RNF139: variants seen among roughly 807,000 people sequenced by gnomAD.
The protein encoded by RNF139 is ring finger protein 139, also known as E3 ubiquitin-protein ligase RNF139.
A neutral mutation model predicts 49.5 loss-of-function variants in RNF139; 15 were observed. The observed-to-expected ratio is 0.30, with a 90% CI of 0.20 to 0.47. The LOEUF (loss-of-function observed/expected upper bound fraction) is 0.47, where lower values mean the gene tolerates loss of function less well. Ranked by LOEUF, RNF139 falls within the 20% of genes least tolerant of loss-of-function variation. The probability of loss-of-function intolerance (pLI) is 1.00; values close to 1 mark genes in which losing one functional copy is unlikely to be tolerated. For synonymous variants in RNF139, 325 were observed against 300.9 expected, an observed-to-expected ratio of 1.08 and a Z score of -0.83; for missense variants, 619 against 806.3, an observed-to-expected ratio of 0.77 and a Z score of 2.81.
chr8:124,475,203 T>C lies in RNF139; in HGVS notation c.94T>C (p.Tyr32His), dbSNP rs1295691535. The change falls in exon 1 of 2, where the codon TAC becomes CAC. Residue 32 changes from tyrosine to histidine, a missense_variant. Physicochemically the swap from Tyr to His is moderately conservative, Grantham distance 83. Coordinates refer to ENST00000303545, the MANE Select transcript of RNF139 (RefSeq NM_007218.4). The part of the protein sequence containing the change: ...LEVALRVPCL[Y>H]IIDAIFNSYP... ...AGTGGCGCTCCGGGTGCCCTGCCTT[T>C]ACATCATCGACGCCATCTTCAACTC... 3 of 1,614,090 alleles carry C rather than the reference T, an allele frequency of 1.9e-6. No homozygotes were observed. Among genetic ancestry groups the C allele is most frequent in the Non-Finnish European group, 2.5e-6 (3 of 1,179,980 alleles).
chr8:124,475,124 G>C lies in RNF139; in HGVS notation c.15G>C (p.Gly5=). The change falls in exon 1 of 2, where the codon GGG becomes GGC. Residue 5 remains glycine (G), a synonymous_variant. Transcript: ENST00000303545. MAAV[G]PPQQQVRMAH... ...GGCAGCGGCTCATGGCGGCCGTGGG[G>C]CCCCCGCAGCAGCAGGTGCGGATGG... 1 of 1,595,702 alleles carries C rather than the reference G, an allele frequency of 6.3e-7. No homozygotes were observed. Among genetic ancestry groups the C allele is most frequent in the African/African-American group, 1.4e-5 (1 of 73,922 alleles).
At chr8:124,483,424 T>TTATTTTATTTA (rs1816482834) in intron 1 of RNF139, 1 of 151,632 alleles carries the variant, frequency 6.6e-6, no homozygotes, top group Non-Finnish European at 1.5e-5. Flanking sequence ...AGATGGATTT[T>TTATTTTATTTA]TATTTTATTT....
rs539581332 is a variant in RNF139, at chr8:124,481,198, T to C, written c.182-4633T>C. ...AGATTAACAACATTTCAAGACACTT[T>C]GTTGTAAACTTCATTGCGGAAGGCT... On this transcript the variant is annotated intron_variant, in intron 1 of 1. Transcript: ENST00000303545. Among the ~76,000 whole-genome samples the C allele has an allele frequency of 6.6e-5, 10 of 152,304 alleles. No homozygotes were observed. The South Asian group carries it at 1.7e-3, about 25-fold the overall frequency.
At chr8:124,482,665 G>A (rs963406506) in intron 1 of RNF139, among the ~76,000 whole-genome samples, 1 of 151,638 alleles carries the variant, frequency 6.6e-6, no homozygotes, top group East Asian at 1.9e-4. Context: ...AGTGGCTCAC[G>A]CCTATAATCG....
rs1284120548 is a variant in RNF139 at position 124,487,979 on chromosome 8, A to T, written c.*335A>T. 1 of 192,808 alleles carries T rather than the reference A, an allele frequency of 5.2e-6. No individual in the cohort carries two copies. The highest frequency in any genetic ancestry group is 5.8e-5 in the Admixed American group (1 of 17,344). 11.9% of individuals were successfully genotyped at this position (192,808 alleles called of 1,614,324 possible). A position where few individuals can be genotyped will look rare whatever the true frequency, so the allele number is the denominator to read the frequency against. On this transcript the variant is annotated 3_prime_UTR_variant, in exon 2 of 2. Transcript: ENST00000303545. ...GTGCCAAATATTCTTCAATGAAATT[A>T]TATAATGTAACTTTGGACCTCAGTT...
rs1816534053 is a variant in RNF139, at chr8:124,486,537, T to C, written c.888T>C (p.Ala296=). ...CACTAACTGTACTGGGCATGAGTGC[T>C]GTAATTTCCTCAGTAGCCCATTATT... The part of the protein sequence containing the change: ...DSTLTVLGMS[A]VISSVAHYLG... Residue 296 remains alanine, a synonymous_variant, in exon 2 of 2, where the codon GCT becomes GCC. Transcript: ENST00000303545. 2 of 1,614,230 alleles carry C rather than the reference T, an allele frequency of 1.2e-6. No individual in the cohort carries two copies. The highest frequency in any genetic ancestry group is 1.7e-6 in the Non-Finnish European group (2 of 1,180,032).
chr8:124,485,854 C>G lies in RNF139; in HGVS notation c.205C>G (p.Leu69Val), dbSNP rs1359952032. 6.2e-7 allele frequency: 1 copy of G among 1,611,528 alleles called. No homozygotes were observed. Among genetic ancestry groups the G allele is most frequent in the South Asian group, 1.1e-5 (1 of 90,954 alleles). Residue 69 changes from leucine (L) to valine (V), a missense_variant, in exon 2 of 2, where the codon CTG (leucine) becomes GTG (valine). Around this residue, in one of 2 missense-constraint regions of RNF139, gnomAD observed 530 missense variants for 728.9 expected, o/e 0.73. Coordinates refer to ENST00000303545, the MANE Select transcript of RNF139 (RefSeq NM_007218.4). ...LFGVFASSIV[L>V]ILSQRSLFKF... ...AGGTGTATTTGCATCCAGTATTGTTCTGATCTTGTCACAACGATCACTTTT... is the reference window on the plus strand; with the variant it reads ...AGGTGTATTTGCATCCAGTATTGTTGTGATCTTGTCACAACGATCACTTTT...
intron 1 of RNF139, among the ~76,000 whole-genome samples, chr8:124,483,622 CAG>C (rs1275593780): frequency 3.3e-5 from 5 of 151,868 alleles, no homozygotes; most frequent in Non-Finnish European, 5.9e-5. Context: ...TTGGTAGAGA[CAG>C]GGTTTCACCA....
chr8:124,482,627 A>G (rs552105469), intron 1 of RNF139, among the ~76,000 whole-genome samples: 19 of 152,090 alleles, frequency 1.2e-4, no homozygotes, highest in Middle Eastern at 3.4e-3. Flanking sequence ...GAAGTTTCTA[A>G]TAAAAAAATC....
intron 1 of RNF139, among the ~76,000 whole-genome samples, chr8:124,480,938 A>G (rs549028931): frequency 6.6e-6 from 1 of 152,146 alleles, no homozygotes; most frequent in African/African-American, 2.4e-5. Context: ...GATATCACAG[A>G]TGGGAAAGAC....
intron 1 of RNF139, among the ~76,000 whole-genome samples, chr8:124,485,394 T>C (rs948749834): frequency 6.6e-6 from 1 of 152,142 alleles, no homozygotes; most frequent in East Asian, 1.9e-4. Flanking sequence ...AATCTAAAAC[T>C]TAATAGGAAT....
chr8:124,475,184 G>T lies in RNF139; in HGVS notation c.75G>T (p.Ala25=), dbSNP rs1457294041. The T allele has an allele frequency of 6.2e-7, 1 of 1,613,846 alleles. No homozygotes were observed. The highest frequency in any genetic ancestry group is 1.1e-5 in the South Asian group (1 of 91,076). The change falls in exon 1 of 2, where the codon GCG becomes GCT. Residue 25 remains alanine, a synonymous_variant. Transcript: ENST00000303545. ...AGGTCTGGGCGGCGCTCGAAGTGGC[G>T]CTCCGGGTGCCCTGCCTTTACATCA... ...HQQVWAALEV[A]LRVPCLYIID...
At chr8:124,480,376 C>T (rs1057353598) in intron 1 of RNF139, among the ~76,000 whole-genome samples, 2 of 144,674 alleles carry the variant, frequency 1.4e-5, no homozygotes, top group African/African-American at 5.2e-5. Context: ...TGCACTCCAG[C>T]CTGGGCAACA....
At chr8:124,484,699 C>CT (rs1816500319) in intron 1 of RNF139, among the ~76,000 whole-genome samples, 1 of 152,146 alleles carries the variant, frequency 6.6e-6, no homozygotes, top group Non-Finnish European at 1.5e-5. Flanking sequence ...TGTAATCCTA[C>CT]TTAAAATATG....
intron 1 of RNF139, among the ~76,000 whole-genome samples, chr8:124,477,300 TG>T (rs1816329554): frequency 1.3e-5 from 2 of 152,296 alleles, no homozygotes; most frequent in South Asian, 2.1e-4. Flanking sequence ...ATGATAAGAA[TG>T]AAAAAAACTG....
rs1466368800 is a variant in RNF139 at position 124,474,880 on chromosome 8, A to C, written c.-230A>C. On this transcript the variant is annotated 5_prime_UTR_variant, in exon 1 of 2. Transcript: ENST00000303545. The surrounding 1 kb of genome is among the most constrained non-coding windows in gnomAD (Gnocchi z 4.6). Reference sequence around the variant, plus strand: ...TAGCCAGCCGGAAACACCGAAACCCAGAGACCTCCTGGGGAGCCGCCGCCG... The same window carrying C: ...TAGCCAGCCGGAAACACCGAAACCCCGAGACCTCCTGGGGAGCCGCCGCCG... 1 of 300,956 alleles carries C rather than the reference A, an allele frequency of 3.3e-6. No homozygotes were observed. The highest frequency in any genetic ancestry group is 1.5e-4 in the South Asian group (1 of 6,472). The allele number at this position is 300,956 out of a possible 1,614,324, so 18.6% of individuals were successfully genotyped here.
At chr8:124,483,992 A>T (rs961976248) in intron 1 of RNF139, among the ~76,000 whole-genome samples, 1 of 152,140 alleles carries the variant, frequency 6.6e-6, no homozygotes, top group African/African-American at 2.4e-5. Flanking sequence ...ATACTTAGAT[A>T]ACTGCAGACT....
chr8:124,481,259 G>C (rs191468079), intron 1 of RNF139, among the ~76,000 whole-genome samples: 143 of 152,150 alleles, frequency 9.4e-4, no homozygotes, highest in Non-Finnish European at 1.0e-3. Flanking sequence ...ATTTATTTCT[G>C]TGCTTTTCCA....
chr8:124,487,407 T>C lies in RNF139; in HGVS notation c.1758T>C (p.His586=). ...LYIQDTCPMC[H]QKVYIEDDIK... Reference sequence around the variant, plus strand: ...TTCAAGATACTTGTCCAATGTGCCATCAGAAAGTATACATCGAAGATGATA... The same window carrying C: ...TTCAAGATACTTGTCCAATGTGCCACCAGAAAGTATACATCGAAGATGATA... Residue 586 remains histidine (H), a synonymous_variant, in exon 2 of 2, where the codon CAT becomes CAC. Coordinates refer to ENST00000303545, the MANE Select transcript of RNF139 (RefSeq NM_007218.4). 1 of 1,614,142 alleles carries C rather than the reference T, an allele frequency of 6.2e-7. No individual in the cohort carries two copies. Among genetic ancestry groups the C allele is most frequent in the Non-Finnish European group, 8.5e-7 (1 of 1,180,000 alleles).
Sources: allele counts gnomAD v4.1 joint callset (sites outside exome capture counted in the v4.1 genomes callset), GRCh38; gene constraint gnomAD v4.1.1; regional missense constraint gnomAD v4.1.1; non-coding constraint Gnocchi (gnomAD v3.1); transcripts MANE v1.5; gene names NCBI Gene and HGNC (gene_info 2026-07-23, HGNC 2026-07-21).